Variants in PALMD observed in about 807,000 individuals in gnomAD.
PALMD encodes paralemmin-like protein.
A neutral mutation model predicts 56.2 loss-of-function variants in PALMD; 42 were observed. The ratio of observed to expected loss-of-function variants is 0.75; its 90% CI spans 0.58 to 0.97. The LOEUF is 0.97. PALMD is among the 50% of genes least tolerant of loss of function. PALMD has a pLI of 0.00. For missense variants in PALMD, 660 were observed against 643.8 expected (o/e 1.03, Z -0.27); for synonymous variants, 242 against 222.9 (o/e 1.09, Z -0.76).
chr1:99,660,639 ATT>A lies in PALMD; in HGVS notation c.46-1671_46-1670del, dbSNP rs3835488. On this transcript the variant is annotated intron_variant, in intron 1 of 7. Transcript: ENST00000263174. The stretch of plus-strand genomic sequence containing the variant: ...CAAGATCCATGCCTGTTGCCTAGCT[ATT>A]TTTTTTTTCAAAAGAAATACTTACG... Among the ~76,000 whole-genome samples, 255 of 151,240 alleles carry A rather than the reference ATT, an allele frequency of 1.7e-3. 1 individual carries two copies. The highest frequency in any genetic ancestry group is 5.6e-3 in the African/African-American group (231 of 41,228).
intron 6 of PALMD, 112 bp from the exon 7 acceptor site, chr1:99,688,663 C>A: frequency 3.0e-6 from 2 of 671,400 alleles, no homozygotes; most frequent in Admixed American, 3.0e-5. Flanking sequence ...GACAACATCT[C>A]ACATACAAGA....
Position 99,646,432 on chromosome 1 carries a change from C to T in PALMD, c.45+70C>T. On this transcript the variant is annotated intron_variant, in intron 1 of 7. Transcript: ENST00000263174. ...GGAAGGCAGACCGTGGCCGGCTGCC[C>T]CTGTCGCTGAGCCCTCGCAAGTGGA... is the stretch of plus-strand genomic sequence containing the variant. The T allele has an allele frequency of 2.8e-5, 34 of 1,210,720 alleles. No homozygotes were observed. The South Asian group carries it at 4.1e-4, about 15-fold the overall frequency. 75.0% of individuals were successfully genotyped at this position (1,210,720 alleles called of 1,614,324 possible).
intron 1 of PALMD, among the ~76,000 whole-genome samples, chr1:99,651,216 A>G (rs894742240): frequency 6.6e-6 from 1 of 152,240 alleles, no homozygotes; most frequent in African/African-American, 2.4e-5. Context: ...GGTTTCTTCA[A>G]ACAAATGTGG....
At chr1:99,660,194 C>A (rs1269239403) in intron 1 of PALMD, among the ~76,000 whole-genome samples, 1 of 152,202 alleles carries the variant, frequency 6.6e-6, no homozygotes, top group Non-Finnish European at 1.5e-5. Context: ...GTGCTGCCTC[C>A]TGGCCACAGT....
At chr1:99,652,638 AG>A (rs1652614171) in intron 1 of PALMD, among the ~76,000 whole-genome samples, 1 of 150,788 alleles carries the variant, frequency 6.6e-6, no homozygotes, top group South Asian at 2.1e-4. Context: ...AGAAAAGGAA[AG>A]GAAAGAAAAA....
chr1:99,691,064 C>A (rs112809050), intron 7 of PALMD, among the ~76,000 whole-genome samples: 158 of 152,224 alleles, frequency 1.0e-3, no homozygotes, highest in Non-Finnish European at 2.0e-3. Context: ...AAAGTATACA[C>A]GTATACAACT....
rs59533552 is a variant in PALMD, at chr1:99,652,659, A to AGAAAGGAAAGGAAAG, written c.45+6322_45+6336dup. Among the ~76,000 whole-genome samples, 555 of 122,206 alleles carry AGAAAGGAAAGGAAAG rather than the reference A, an allele frequency of 4.5e-3. 6 individuals carry two copies. The highest frequency in any genetic ancestry group is 7.3e-3 in the Non-Finnish European group (432 of 58,792). 80.2% of individuals were successfully genotyped at this position (122,206 alleles called of 152,430 possible). On this transcript the variant is annotated intron_variant, in intron 1 of 7. Transcript: ENST00000263174. ...GGAAAGGAAAGAAAAAAGAAAGAAAAGAAAGGAAAGGAAAGGAAAGGAAAG... is the reference window on the plus strand; with the variant it reads ...GGAAAGGAAAGAAAAAAGAAAGAAAAGAAAGGAAAGGAAAGGAAAGGAAAGGAAAGGAAAGGAAAG...
intron 1 of PALMD, among the ~76,000 whole-genome samples, chr1:99,650,285 GAAAAAAAAAAAAAAA>G (rs200081370): frequency 1.3e-4 from 15 of 116,994 alleles, no homozygotes; most frequent in African/African-American, 5.1e-4. Context: ...TGCTCATAAT[GAAAAAAAAAAAAAAA>G]AAAAAAAAAA....
chr1:99,665,670 T>A (rs139655113), intron 2 of PALMD, among the ~76,000 whole-genome samples: 84 of 152,280 alleles, frequency 5.5e-4, no homozygotes, highest in African/African-American at 1.9e-3. Flanking sequence ...CTTATATAGC[T>A]ATGTGTGTCA....
At chr1:99,660,797 G>T (rs898949517) in intron 1 of PALMD, among the ~76,000 whole-genome samples, 1 of 152,152 alleles carries the variant, frequency 6.6e-6, no homozygotes, top group Admixed American at 6.5e-5. Flanking sequence ...AAGGCAGGAG[G>T]ATTGTTTGAG....
chr1:99,671,180 A>G (rs1467389627), intron 3 of PALMD, among the ~76,000 whole-genome samples: 1 of 152,174 alleles, frequency 6.6e-6, no homozygotes, highest in Non-Finnish European at 1.5e-5. Flanking sequence ...CCCCTCAGCT[A>G]GAGGATAAGA....
intron 1 of PALMD, among the ~76,000 whole-genome samples, chr1:99,647,476 T>C (rs539600704): frequency 6.6e-6 from 1 of 152,330 alleles, no homozygotes; most frequent in South Asian, 2.1e-4. Context: ...ACACCAGAAG[T>C]CTATTGATAA....
Position 99,662,563 on chromosome 1 carries a change from A to G in PALMD, c.126+164A>G, listed in dbSNP as rs145723885. Among the ~76,000 whole-genome samples the G allele has an allele frequency of 1.4e-4, 22 of 152,358 alleles. No individual in the cohort carries two copies. The East Asian group carries it at 4.2e-3, about 29-fold the overall frequency. On this transcript the variant is annotated intron_variant, in intron 2 of 7. Transcript: ENST00000263174. ...AGGCCAACAAGCTAGTAACATTTGCATATGAGATTAATACCTTCTAGCAAA... is the reference window on the plus strand; with the variant it reads ...AGGCCAACAAGCTAGTAACATTTGCGTATGAGATTAATACCTTCTAGCAAA...
intron 1 of PALMD, among the ~76,000 whole-genome samples, chr1:99,649,183 C>G (rs1295475571): frequency 1.3e-5 from 2 of 152,100 alleles, no homozygotes; most frequent in African/African-American, 4.8e-5. Context: ...ATCCATGCAC[C>G]AACTCTTCCC....
intron 7 of PALMD, among the ~76,000 whole-genome samples, chr1:99,690,669 AT>A (rs1653635541): frequency 6.6e-6 from 1 of 152,160 alleles, no homozygotes; most frequent in Non-Finnish European, 1.5e-5. Context: ...TTTATAAAGA[AT>A]AAATAAGAAC....
chr1:99,671,067 C>A (rs1221384671), intron 3 of PALMD, among the ~76,000 whole-genome samples: 1 of 152,052 alleles, frequency 6.6e-6, no homozygotes, highest in Non-Finnish European at 1.5e-5. Context: ...CTAGGGAGAC[C>A]CACTCACAAT....
At chr1:99,654,807 G>A (rs1652683224) in intron 1 of PALMD, among the ~76,000 whole-genome samples, 2 of 152,072 alleles carry the variant, frequency 1.3e-5, no homozygotes, top group Non-Finnish European at 2.9e-5. Flanking sequence ...TGGTTGCTTG[G>A]TTGGTTGGTT....
At position 99,688,945 on chromosome 1, in the gene PALMD, A is replaced by G; in HGVS notation, c.685A>G (p.Asn229Asp). 2 of 1,613,756 alleles carry G rather than the reference A, an allele frequency of 1.2e-6. No homozygotes were observed. Among genetic ancestry groups the G allele is most frequent in the Non-Finnish European group, 1.7e-6 (2 of 1,179,720 alleles). Reference sequence around the variant, plus strand: ...AAGTTCTAATCACAGTGCAGCATACAATGGCACCGATGGCCTGGCACCAGT... The same window carrying G: ...AAGTTCTAATCACAGTGCAGCATACGATGGCACCGATGGCCTGGCACCAGT... ...AVSSNHSAAY[N>D]GTDGLAPVEV... Residue 229 changes from asparagine (N) to aspartate (D), a missense_variant, in exon 7 of 8, where the codon AAT (asparagine) becomes GAT (aspartate). Coordinates refer to ENST00000263174, the MANE Select transcript of PALMD (RefSeq NM_017734.5).
chr1:99,673,582 A>G (rs1653136722), intron 3 of PALMD, among the ~76,000 whole-genome samples: 1 of 151,798 alleles, frequency 6.6e-6, no homozygotes, highest in Non-Finnish European at 1.5e-5. Flanking sequence ...TACATGAGTC[A>G]AAATCGTTCC....
Sources: gnomAD v4.1 joint callset for allele counts (sites outside exome capture counted in the v4.1 genomes callset) on GRCh38, gnomAD v4.1.1 for gene constraint, MANE v1.5 for transcripts, NCBI Gene and HGNC (gene_info 2026-07-23, HGNC 2026-07-21) for gene names.